TTC39B: variants seen among roughly 807,000 people sequenced by gnomAD.
TTC39B encodes tetratricopeptide repeat protein 39B.
In TTC39B, 92 loss-of-function variants were observed where a neutral mutation model predicts 96.6. That is an observed-to-expected ratio of 0.95 (90% CI 0.80 to 1.13). TTC39B has a LOEUF of 1.13. TTC39B is among the 50% of genes most tolerant of loss of function. The pLI is 0.00. For missense variants in TTC39B, 955 were observed against 809.3 expected, an observed-to-expected ratio of 1.18 and a Z score of -2.18; for synonymous variants, 367 against 299.4, an observed-to-expected ratio of 1.23 and a Z score of -2.33.
At chr9:15,199,378 G>GTCCTATAACACTGAA (rs1819373738) in intron 8 of TTC39B, among the ~76,000 whole-genome samples, 1 of 152,034 alleles carries the variant, frequency 6.6e-6, no homozygotes, top group Non-Finnish European at 1.5e-5. Flanking sequence ...AAATTCTGTT[G>GTCCTATAACACTGAA]TCCTATAACA....
At chr9:15,278,015 T>A (rs926140973) in intron 1 of TTC39B, among the ~76,000 whole-genome samples, 4 of 152,232 alleles carry the variant, frequency 2.6e-5, no homozygotes, top group African/African-American at 9.6e-5. Flanking sequence ...AAAAAAAATT[T>A]GAATTGTATA....
intron 2 of TTC39B, among the ~76,000 whole-genome samples, chr9:15,257,134 C>A (rs1822780475): frequency 6.6e-6 from 1 of 152,108 alleles, no homozygotes; most frequent in Non-Finnish European, 1.5e-5. Context: ...CCTTTGCAAG[C>A]TAAATACAGA....
chr9:15,202,436 G>A (rs1020777315), intron 7 of TTC39B, among the ~76,000 whole-genome samples: 1 of 152,184 alleles, frequency 6.6e-6, no homozygotes, highest in Non-Finnish European at 1.5e-5. Context: ...TTGTGGCTGG[G>A]CGCAGTGGCT....
rs554892928 is a variant in TTC39B at position 15,204,268 on chromosome 9, C to T, written c.692-378G>A. Among the ~76,000 whole-genome samples the T allele has an allele frequency of 2.0e-5, 3 of 152,278 alleles. No homozygotes were observed. The South Asian group carries it at 6.2e-4, about 32-fold the overall frequency. ...CTTTGGCTGTGCGTGGTGGTTTACG[C>T]CTGTAATCCCAGCACTTTGGGAGGC... On this transcript the variant is annotated intron_variant, in intron 6 of 19. Coordinates refer to ENST00000512701, the Ensembl canonical transcript of TTC39B.
chr9:15,180,991 T>C (rs1022541270), intron 17 of TTC39B, among the ~76,000 whole-genome samples: 1 of 152,200 alleles, frequency 6.6e-6, no homozygotes, highest in African/African-American at 2.4e-5. Flanking sequence ...CTAAAGCCTA[T>C]CATCTCAGCA....
At chr9:15,183,294 C>T in intron 16 of TTC39B, 2 of 407,432 alleles carry the variant, frequency 4.9e-6, no homozygotes, top group Non-Finnish European at 9.5e-6. Context: ...TTACATGTAA[C>T]AATTTATTGC....
intron 1 of TTC39B, among the ~76,000 whole-genome samples, chr9:15,298,538 C>A (rs574436675): frequency 1.3e-5 from 2 of 152,068 alleles, no homozygotes; most frequent in African/African-American, 4.8e-5. Context: ...GGGGAAACTG[C>A]CCTTTATGAA....
At chr9:15,214,531 C>T (rs1379007080) in intron 3 of TTC39B, among the ~76,000 whole-genome samples, 1 of 152,154 alleles carries the variant, frequency 6.6e-6, no homozygotes, top group Non-Finnish European at 1.5e-5. Context: ...TCGTAGGTAA[C>T]TAATAGCAGT....
intron 1 of TTC39B, among the ~76,000 whole-genome samples, chr9:15,280,066 T>C (rs1177464428): frequency 6.6e-6 from 1 of 152,006 alleles, no homozygotes; most frequent in African/African-American, 2.4e-5. Flanking sequence ...CGGCTAATTT[T>C]TTTGTATTTT....
Position 15,244,053 on chromosome 9 carries a change from G to C in TTC39B, c.276-18041C>G, listed in dbSNP as rs559064034. Among the ~76,000 whole-genome samples, 4 of 152,302 alleles carry C rather than the reference G, an allele frequency of 2.6e-5. No individual in the cohort carries two copies. The East Asian group carries it at 7.7e-4, about 29-fold the overall frequency. ...ACCAAGTTGGAAACTTAGAACCAGAGCCTGTATCTTTTCAAATTCTTTCCT... is the reference window on the plus strand; with the variant it reads ...ACCAAGTTGGAAACTTAGAACCAGACCCTGTATCTTTTCAAATTCTTTCCT... On this transcript the variant is annotated intron_variant, in intron 2 of 19. Coordinates refer to ENST00000512701, the Ensembl canonical transcript of TTC39B.
At chr9:15,237,014 G>T (rs1586936959) in intron 2 of TTC39B, among the ~76,000 whole-genome samples, 1 of 150,024 alleles carries the variant, frequency 6.7e-6, no homozygotes, top group African/African-American at 2.4e-5. Context: ...AAAAAAAAAA[G>T]GCAAGGACTC....
Position 15,166,997 on chromosome 9 carries a change from TATATATATATATATATATATATATA to T in TTC39B, c.*4997_*5021del, listed in dbSNP as rs1564299680. 2.3e-3 allele frequency: 13 copies of T among 5,560 alleles called. 1 individual carries two copies. The highest frequency in any genetic ancestry group is 3.0e-3 in the Non-Finnish European group (9 of 2,986). 0.3% of individuals were successfully genotyped at this position (5,560 alleles called of 1,614,324 possible). A position where few individuals can be genotyped will look rare whatever the true frequency, so the allele number is the denominator to read the frequency against. On this transcript the variant is annotated 3_prime_UTR_variant, in exon 20 of 20. Coordinates refer to ENST00000512701, the Ensembl canonical transcript of TTC39B. ...AACCTTTATTTTATATATATATATATATATATATATATATATATATATATATATATATTTTTTTTTTTTTTTTTTT... is the reference window on the plus strand; with the variant it reads ...AACCTTTATTTTATATATATATATATTATATATTTTTTTTTTTTTTTTTTT...
chr9:15,256,919 C>T (rs1822771755), intron 2 of TTC39B, among the ~76,000 whole-genome samples: 1 of 152,124 alleles, frequency 6.6e-6, no homozygotes. Flanking sequence ...CAGCTTTAGA[C>T]AGGAAAACTC....
intron 1 of TTC39B, among the ~76,000 whole-genome samples, chr9:15,284,490 TTAAA>T (rs1418458738): frequency 2.6e-5 from 4 of 152,206 alleles, no homozygotes; most frequent in South Asian, 4.1e-4. Context: ...CAATAGATAA[TTAAA>T]TAAATTATAG....
At chr9:15,299,837 G>A (rs1257972341) in intron 1 of TTC39B, among the ~76,000 whole-genome samples, 1 of 152,138 alleles carries the variant, frequency 6.6e-6, no homozygotes, top group African/African-American at 2.4e-5. Context: ...AAGAAGGCAA[G>A]CAGCTAGCAC....
chr9:15,194,476 T>G (rs181693301), intron 8 of TTC39B, among the ~76,000 whole-genome samples: 98 of 152,308 alleles, frequency 6.4e-4, no homozygotes, highest in African/African-American at 2.2e-3. Context: ...TCCATGTGTG[T>G]GCACACACAC....
chr9:15,201,221 A>C (rs624443), intron 7 of TTC39B, among the ~76,000 whole-genome samples: 1 of 151,722 alleles, frequency 6.6e-6, no homozygotes, highest in Non-Finnish European at 1.5e-5. Context: ...TCCAATACCA[A>C]CCAGAAAAGA....
At chr9:15,175,251 T>C (rs952968867) in intron 18 of TTC39B, 116 bp from the exon 19 acceptor site, 8 of 687,904 alleles carry the variant, frequency 1.2e-5, no homozygotes, top group Non-Finnish European at 1.9e-5. Flanking sequence ...TCTATTATCA[T>C]AGAAAGGCGG....
intron 1 of TTC39B, among the ~76,000 whole-genome samples, chr9:15,276,583 T>C (rs2131573198): frequency 6.6e-6 from 1 of 152,268 alleles, no homozygotes; most frequent in Non-Finnish European, 1.5e-5. Flanking sequence ...TGCTCAAGTG[T>C]CTAGGAAGCA....
Sources: gnomAD v4.1 joint callset for allele counts (sites outside exome capture counted in the v4.1 genomes callset) on GRCh38, gnomAD v4.1.1 for gene constraint, MANE v1.5 for transcripts, NCBI Gene and HGNC (gene_info 2026-07-23, HGNC 2026-07-21) for gene names.